Variants in SCEL observed in about 807,000 individuals in gnomAD.
SCEL encodes the protein sciellin.
A neutral mutation model predicts 117.6 loss-of-function variants in SCEL; 113 were observed. The observed-to-expected ratio is 0.96, with a 90% CI of 0.83 to 1.12. SCEL has a LOEUF of 1.12. Among genes scored for constraint, SCEL ranks in the 50% most tolerant of loss-of-function variants. SCEL has a pLI of 0.00. For missense variants in SCEL, 785 were observed against 810.8 expected (o/e 0.97, Z 0.39); for synonymous variants, 270 against 256.2 (o/e 1.05, Z -0.51).
chr13:77,605,689 T>A (rs2154402209), intron 19 of SCEL, among the ~76,000 whole-genome samples: 1 of 152,304 alleles, frequency 6.6e-6, no homozygotes, highest in Non-Finnish European at 1.5e-5. Flanking sequence ...AAAATCCATG[T>A]TCCTTTTCTA....
intron 11 of SCEL, among the ~76,000 whole-genome samples, chr13:77,592,136 C>A (rs188276228): frequency 6.6e-6 from 1 of 152,200 alleles, no homozygotes; most frequent in African/African-American, 2.4e-5. Flanking sequence ...GAAAAAATTA[C>A]TTTGAAGTTT....
chr13:77,594,981 T>C (rs1381655614), intron 12 of SCEL, among the ~76,000 whole-genome samples: 1 of 152,234 alleles, frequency 6.6e-6, no homozygotes. Context: ...TTGAAGTGTC[T>C]AGATCTCTAA....
chr13:77,612,843 T>C, intron 22 of SCEL, 48 bp from the exon 23 acceptor site: 3 of 1,091,454 alleles, frequency 2.7e-6, no homozygotes, highest in Non-Finnish European at 2.7e-6. Context: ...AATATACAAA[T>C]TATTGGATTT....
chr13:77,543,241 G>T (rs904089415), intron 1 of SCEL, among the ~76,000 whole-genome samples: 1 of 151,284 alleles, frequency 6.6e-6, no homozygotes, highest in Non-Finnish European at 1.5e-5. Context: ...CCACCACCAC[G>T]CCCGGCTAAT....
intron 28 of SCEL, among the ~76,000 whole-genome samples, chr13:77,629,504 G>GATTCATTTTATGAATGT (rs1378480367): frequency 1.3e-5 from 2 of 152,074 alleles, no homozygotes; most frequent in African/African-American, 2.4e-5. Context: ...ACTGAAAGGT[G>GATTCATTTTATGAATGT]ATTCATTTTA....
intron 1 of SCEL, among the ~76,000 whole-genome samples, chr13:77,554,308 C>G (rs2084524903): frequency 6.6e-6 from 1 of 152,128 alleles, no homozygotes; most frequent in African/African-American, 2.4e-5. Flanking sequence ...ACCAGTCAGG[C>G]CTAACAGCGA....
intron 19 of SCEL, among the ~76,000 whole-genome samples, chr13:77,605,446 C>G (rs1362630579): frequency 3.9e-5 from 6 of 152,132 alleles, no homozygotes; most frequent in African/African-American, 7.2e-5. Flanking sequence ...GGGAGGTAAC[C>G]TGAGGTAGTC....
intron 27 of SCEL, among the ~76,000 whole-genome samples, chr13:77,618,680 G>T (rs954805745): frequency 2.6e-5 from 4 of 152,114 alleles, no homozygotes; most frequent in African/African-American, 7.2e-5. Flanking sequence ...CTTCTTATTT[G>T]CACTAAAACA....
intron 5 of SCEL, 131 bp downstream of exon 5, chr13:77,564,030 G>T: frequency 1.7e-6 from 1 of 601,510 alleles, no homozygotes. Flanking sequence ...CAGGGATGGA[G>T]GGCTCTAAGA....
intron 8 of SCEL, among the ~76,000 whole-genome samples, chr13:77,569,874 C>T (rs1054583652): frequency 3.3e-5 from 5 of 152,130 alleles, no homozygotes; most frequent in Non-Finnish European, 7.3e-5. Context: ...TGGAGACATC[C>T]ATCTGTATTT....
chr13:77,542,216 C>A (rs2154393898), intron 1 of SCEL, among the ~76,000 whole-genome samples: 1 of 152,252 alleles, frequency 6.6e-6, no homozygotes, highest in Middle Eastern at 3.4e-3. Flanking sequence ...GCCTGACCAA[C>A]ATGGTGAAAC....
chr13:77,613,004 A>G (rs2088775558), intron 23 of SCEL, 63 bp downstream of exon 23: 1 of 946,670 alleles, frequency 1.1e-6, no homozygotes, highest in Non-Finnish European at 1.6e-6. Context: ...CCAAAATAAG[A>G]TTAATTATTT....
At chr13:77,593,981 C>T in intron 12 of SCEL, among the ~76,000 whole-genome samples, 1 of 145,158 alleles carries the variant, frequency 6.9e-6, no homozygotes, top group Non-Finnish European at 1.5e-5. Flanking sequence ...TGCAGACTCA[C>T]CTTTCTGGAA....
chr13:77,582,808 C>T (rs2086340568), intron 9 of SCEL, among the ~76,000 whole-genome samples: 1 of 151,736 alleles, frequency 6.6e-6, no homozygotes, highest in Non-Finnish European at 1.5e-5. Context: ...AACTAATGAT[C>T]ACAAAAATTT....
intron 32 of SCEL, among the ~76,000 whole-genome samples, chr13:77,643,890 T>A (rs1169768078): frequency 6.6e-6 from 1 of 152,298 alleles, no homozygotes; most frequent in South Asian, 2.1e-4. Context: ...GGTCTTGATG[T>A]GCATGGTGGT....
chr13:77,578,509 T>C (rs952904102), intron 9 of SCEL, among the ~76,000 whole-genome samples: 2 of 152,072 alleles, frequency 1.3e-5, no homozygotes, highest in African/African-American at 4.8e-5. Flanking sequence ...CAAATAACCA[T>C]ACCATAAGAT....
rs192234359 is a variant in SCEL at position 77,586,406 on chromosome 13, C to G, written c.546-2738C>G. On this transcript the variant is annotated intron_variant, in intron 9 of 32. Coordinates refer to ENST00000349847, the MANE Select transcript of SCEL (RefSeq NM_144777.3). The stretch of plus-strand genomic sequence containing the variant: ...CTTCAGTCCTTTGATTCCAGGAATT[C>G]CTCAGCCCCATCACAATCACCAGTC... Among the ~76,000 whole-genome samples, 8 of 152,246 alleles carry G rather than the reference C, an allele frequency of 5.3e-5. No individual in the cohort carries two copies. The East Asian group carries it at 1.2e-3, about 22-fold the overall frequency.
At chr13:77,594,579 T>G (rs1415489444) in intron 12 of SCEL, among the ~76,000 whole-genome samples, 1 of 152,204 alleles carries the variant, frequency 6.6e-6, no homozygotes, top group Non-Finnish European at 1.5e-5. Flanking sequence ...TCATATTTTA[T>G]AAGAGCGAAT....
chr13:77,607,579 A>G (rs2088307160), intron 19 of SCEL, among the ~76,000 whole-genome samples: 1 of 152,224 alleles, frequency 6.6e-6, no homozygotes, highest in African/African-American at 2.4e-5. Context: ...ATCTTAATAC[A>G]GTTTTGTGAT....
Sources: allele counts gnomAD v4.1 joint callset (sites outside exome capture counted in the v4.1 genomes callset), GRCh38; gene constraint gnomAD v4.1.1; transcripts MANE v1.5; gene names NCBI Gene and HGNC (gene_info 2026-07-23, HGNC 2026-07-21).